ADCY9: variants seen among roughly 807,000 people sequenced by gnomAD.
ADCY9 encodes adenylate cyclase 9.
ADCY9 carries 50 observed loss-of-function variants against 101.5 expected under a neutral mutation model. That is an observed-to-expected ratio of 0.49 (90% CI 0.39 to 0.62). ADCY9 has a LOEUF of 0.62. Among genes scored for constraint, ADCY9 ranks in the 20% least tolerant of loss-of-function variants. The probability of loss-of-function intolerance (pLI) is 0.00; values close to 1 mark genes in which losing one functional copy is unlikely to be tolerated. For synonymous variants in ADCY9, 905 were observed against 769.3 expected, an observed-to-expected ratio of 1.18 and a Z score of -2.92; for missense variants, 1,662 against 1,800.4, an observed-to-expected ratio of 0.92 and a Z score of 1.39.
At chr16:4,097,487 T>TATATATATATACAC (rs76750792) in intron 2 of ADCY9, among the ~76,000 whole-genome samples, 12 of 72,498 alleles carry the variant, frequency 1.7e-4, no homozygotes, top group Non-Finnish European at 2.7e-4. Context: ...TATATATATA[T>TATATATATATACAC]ACACACACAC....
rs2055980242 is a variant in ADCY9, at chr16:3,965,361, T to C, written c.*414A>G. 4.6e-6 allele frequency: 1 copy of C among 216,780 alleles called. No homozygotes were observed. Among genetic ancestry groups the C allele is most frequent in the Non-Finnish European group, 9.2e-6 (1 of 108,500 alleles). The allele number at this position is 216,780 out of a possible 1,614,324, so 13.4% of individuals were successfully genotyped here. Reference sequence around the variant, plus strand: ...ACAAAATAAACTCAAAAACAGGGTATTAGCCAGAGAACCGAAAATAGTGTC... The same window carrying C: ...ACAAAATAAACTCAAAAACAGGGTACTAGCCAGAGAACCGAAAATAGTGTC... On this transcript the variant is annotated 3_prime_UTR_variant, in exon 11 of 11. Coordinates refer to ENST00000294016, the MANE Select transcript of ADCY9 (RefSeq NM_001116.4).
chr16:4,110,089 G>C (rs535678164), intron 2 of ADCY9, among the ~76,000 whole-genome samples: 1 of 152,274 alleles, frequency 6.6e-6, no homozygotes, highest in South Asian at 2.1e-4. Flanking sequence ...CCCCTCTAAA[G>C]CGCTCCCCAC....
chr16:3,979,712 G>C (rs922348446), intron 7 of ADCY9, among the ~76,000 whole-genome samples: 2 of 152,352 alleles, frequency 1.3e-5, no homozygotes, highest in Non-Finnish European at 1.5e-5. Flanking sequence ...CAGCAGAAGA[G>C]GCGGTCCTGG....
chr16:4,085,047 C>G (rs967231702), intron 2 of ADCY9, among the ~76,000 whole-genome samples: 1 of 152,072 alleles, frequency 6.6e-6, no homozygotes, highest in South Asian at 2.1e-4. Context: ...CACTGGCTGG[C>G]AACACCCAGA....
chr16:3,958,691 T>TTTTTGA (rs1491156551), downstream of ADCY9, among the ~76,000 whole-genome samples: 6 of 145,188 alleles, frequency 4.1e-5, 1 homozygote, highest in African/African-American at 1.5e-4. Context: ...TTTTTTTTTT[T>TTTTTGA]GAGAGAATCT....
rs115429590 is a variant in ADCY9, at chr16:3,991,459, T to C, written c.2207+687A>G. Among the ~76,000 whole-genome samples the C allele has an allele frequency of 2.2e-3, 335 of 152,122 alleles. 1 individual carries two copies. Among genetic ancestry groups the C allele is most frequent in the African/African-American group, 7.6e-3 (316 of 41,518 alleles). ...ATTTGATAAAAGGACTGGACCTGTA[T>C]TTTTCAAAAATGTTACCATTAGGCC... On this transcript the variant is annotated intron_variant, in intron 5 of 10. Transcript: ENST00000294016.
At chr16:4,054,791 T>A (rs1413250884) in intron 2 of ADCY9, among the ~76,000 whole-genome samples, 1 of 152,078 alleles carries the variant, frequency 6.6e-6, no homozygotes, top group African/African-American at 2.4e-5. Context: ...ATGGTCTAAA[T>A]CTCCTGACCT....
chr16:3,997,822 A>C (rs2058957797), intron 3 of ADCY9, among the ~76,000 whole-genome samples: 2 of 152,182 alleles, frequency 1.3e-5, no homozygotes, highest in Admixed American at 1.3e-4. Flanking sequence ...GGCTGGGCGC[A>C]GTGGCTCATC....
At position 3,965,780 on chromosome 16, in the gene ADCY9, C is replaced by T; in HGVS notation, c.4057G>A (p.Val1353Met). The T allele has an allele frequency of 6.2e-7, 1 of 1,609,570 alleles. No homozygotes were observed. The highest frequency in any genetic ancestry group is 8.5e-7 in the Non-Finnish European group (1 of 1,177,288). Residue 1353 changes from valine to methionine, a missense_variant, in exon 11 of 11, where the codon GTG becomes ATG. Physicochemically the swap from Val to Met is conservative, Grantham distance 21 (BLOSUM62 1). Around this residue, in one of 5 missense-constraint regions of ADCY9, gnomAD observed 168 missense variants for 155.3 expected, o/e 1.08. Coordinates refer to ENST00000294016, the MANE Select transcript of ADCY9 (RefSeq NM_001116.4). ...ELTKLNVSKS[V>M] is the part of the protein sequence containing the mutation. Reference sequence around the variant, plus strand: ...GGCAGCGGGTGGGCGCCGCCTCACACACTCTTTGAAACGTTGAGCTTGGTG... The same window carrying T: ...GGCAGCGGGTGGGCGCCGCCTCACATACTCTTTGAAACGTTGAGCTTGGTG...
chr16:4,021,679 G>A (rs893244427), intron 2 of ADCY9, among the ~76,000 whole-genome samples: 1 of 152,208 alleles, frequency 6.6e-6, no homozygotes, highest in Non-Finnish European at 1.5e-5. Context: ...GACACAAATG[G>A]AGGTGACAAT....
intron 2 of ADCY9, among the ~76,000 whole-genome samples, chr16:4,112,238 C>T (rs757121870): frequency 3.9e-5 from 6 of 152,292 alleles, no homozygotes; most frequent in South Asian, 2.1e-4. Flanking sequence ...ACACTCATCA[C>T]GGCAGCATCT....
intron 2 of ADCY9, among the ~76,000 whole-genome samples, chr16:4,066,131 T>C (rs2056799908): frequency 1.3e-5 from 2 of 152,226 alleles, no homozygotes; most frequent in Admixed American, 1.3e-4. Context: ...TGAACTTGCC[T>C]GAATAGTCTA....
chr16:4,111,239 G>A (rs1177289800), intron 2 of ADCY9, among the ~76,000 whole-genome samples: 2 of 152,132 alleles, frequency 1.3e-5, no homozygotes, highest in African/African-American at 4.8e-5. Context: ...AGAAAAGGGG[G>A]TAAGAGGGAA....
chr16:4,057,535 C>G (rs940798674), intron 2 of ADCY9, among the ~76,000 whole-genome samples: 1 of 152,156 alleles, frequency 6.6e-6, no homozygotes, highest in Non-Finnish European at 1.5e-5. Context: ...CAACACCAGC[C>G]TCTCTTTTCA....
At chr16:4,033,909 G>C (rs986824206) in intron 2 of ADCY9, among the ~76,000 whole-genome samples, 5 of 152,196 alleles carry the variant, frequency 3.3e-5, no homozygotes, top group Non-Finnish European at 5.9e-5. Flanking sequence ...AAAGGGCTCA[G>C]ATCTGTGCCT....
chr16:4,018,315 G>T (rs969496016), intron 2 of ADCY9, among the ~76,000 whole-genome samples: 4 of 151,418 alleles, frequency 2.6e-5, no homozygotes, highest in African/African-American at 9.7e-5. Flanking sequence ...CCGGGTTCAA[G>T]CAATTCTCTT....
At chr16:4,091,711 G>A (rs1052543813) in intron 2 of ADCY9, among the ~76,000 whole-genome samples, 1 of 152,214 alleles carries the variant, frequency 6.6e-6, no homozygotes, top group African/African-American at 2.4e-5. Context: ...GACACACAAA[G>A]CCACGTATCC....
intron 2 of ADCY9, among the ~76,000 whole-genome samples, chr16:4,093,242 AT>A (rs1204278624): frequency 6.6e-6 from 1 of 152,238 alleles, no homozygotes; most frequent in Admixed American, 6.5e-5. Context: ...TATCACTGAC[AT>A]TTATATCTAA....
Position 3,992,449 on chromosome 16 carries a change from G to A in ADCY9, c.1990-86C>T, listed in dbSNP as rs779091039. The A allele has an allele frequency of 3.5e-5, 41 of 1,174,904 alleles. No homozygotes were observed. Among genetic ancestry groups the A allele is most frequent in the African/African-American group, 9.1e-5 (6 of 66,032 alleles). 72.8% of individuals were successfully genotyped at this position (1,174,904 alleles called of 1,614,324 possible). A position where few individuals can be genotyped will look rare whatever the true frequency, so the allele number is the denominator to read the frequency against. On this transcript the variant is annotated intron_variant, in intron 4 of 10. Transcript: ENST00000294016. The surrounding 1 kb of genome is among the most constrained non-coding windows in gnomAD (Gnocchi z 4.2). ...ACACGCCTGTCCCACCCCGACCTCC[G>A]CTGCGGGGCGCTGCTGCACTGGGCG...
Sources: allele counts gnomAD v4.1 joint callset (sites outside exome capture counted in the v4.1 genomes callset), GRCh38; gene constraint gnomAD v4.1.1; regional missense constraint gnomAD v4.1.1; non-coding constraint Gnocchi (gnomAD v3.1); transcripts MANE v1.5; gene names NCBI Gene and HGNC (gene_info 2026-07-23, HGNC 2026-07-21).